Variants in DOCK7 observed in about 807,000 individuals in gnomAD.
DOCK7 encodes the protein dedicator of cytokinesis 7.
DOCK7 carries 138 observed loss-of-function variants against 271.0 expected under a neutral mutation model. That is an observed-to-expected ratio of 0.51 (90% CI 0.44 to 0.59). DOCK7 has a LOEUF of 0.59. Ranked by LOEUF, DOCK7 falls within the 20% of genes least tolerant of loss-of-function variation. The pLI, the probability that DOCK7 is intolerant of heterozygous loss-of-function variation, is 0.00. For missense variants in DOCK7, 2,066 were observed against 2,592.4 expected (o/e 0.80, Z 4.41); for synonymous variants, 823 against 876.1 (o/e 0.94, Z 1.07).
At position 62,602,474 on chromosome 1, in the gene DOCK7, C is replaced by T. The variant is rs34364551; in HGVS notation, c.1683-15850G>A. On this transcript the variant is annotated intron_variant, in intron 14 of 49. Coordinates refer to ENST00000635253, the MANE Select transcript of DOCK7 (RefSeq NM_001367561.1). ...GACCAGGTATTAGGAAAAGTAGTAA[C>T]GAACGAGAAGCAGTCTCAGCCTTCA... 771 of 1,082,760 alleles carry T rather than the reference C, an allele frequency of 7.1e-4. 10 individuals carry two copies. In the East Asian group the frequency reaches 0.013, roughly 18 times the overall value. 67.1% of individuals were successfully genotyped at this position (1,082,760 alleles called of 1,614,324 possible).
At chr1:62,519,649 G>A (rs1557659311) in intron 31 of DOCK7, among the ~76,000 whole-genome samples, 1 of 152,096 alleles carries the variant, frequency 6.6e-6, no homozygotes, top group Non-Finnish European at 1.5e-5. Flanking sequence ...GAATGTAGTA[G>A]GCAATGTGAT....
intron 14 of DOCK7, chr1:62,602,303 T>C (rs759049870): frequency 6.2e-7 from 1 of 1,610,344 alleles, no homozygotes; most frequent in South Asian, 1.1e-5. Context: ...TGGACATTAA[T>C]TCAACATCGA....
chr1:62,544,420 GA>G, intron 23 of DOCK7, among the ~76,000 whole-genome samples: 1 of 152,230 alleles, frequency 6.6e-6, no homozygotes, highest in Non-Finnish European at 1.5e-5. Context: ...AATTAAAATG[GA>G]TTTTTGCTTC....
intron 21 of DOCK7, among the ~76,000 whole-genome samples, chr1:62,553,215 A>G (rs1415599536): frequency 2.3e-4 from 34 of 145,742 alleles, no homozygotes; most frequent in African/African-American, 8.3e-4. Context: ...TTGTATTTTT[A>G]GTAGAGATGA....
intron 43 of DOCK7, chr1:62,484,214 T>C (rs527289368): frequency 6.6e-6 from 1 of 152,144 alleles, no homozygotes; most frequent in South Asian, 2.1e-4. Flanking sequence ...AGTTAAGATA[T>C]AGTCAATTTG....
chr1:62,553,344 ATATATATATATTTTTTTTTTTTTTTT>A (rs1478288571), intron 21 of DOCK7, among the ~76,000 whole-genome samples: 10,574 of 31,230 alleles, frequency 0.34, 833 homozygotes, highest in South Asian at 0.45. Flanking sequence ...ATATATATAT[ATATATATATATTTTTTTTTTTTTTTT>A]TTTTTTTTTT....
intron 18 of DOCK7, among the ~76,000 whole-genome samples, chr1:62,570,194 T>C (rs1442574179): frequency 6.6e-6 from 1 of 152,190 alleles, no homozygotes; most frequent in African/African-American, 2.4e-5. Flanking sequence ...GATAAGCAAC[T>C]TCAGCAAAGT....
intron 33 of DOCK7, among the ~76,000 whole-genome samples, chr1:62,513,183 CTTTCTAGAGAAAGT>C (rs1644539951): frequency 7.5e-6 from 1 of 133,500 alleles, no homozygotes; most frequent in Non-Finnish European, 1.5e-5. Context: ...CACATAAGGA[CTTTCTAGAGAAAGT>C]TTTCTAGAGA....
intron 14 of DOCK7, among the ~76,000 whole-genome samples, chr1:62,616,082 G>C (rs1205108002): frequency 6.6e-6 from 1 of 151,582 alleles, no homozygotes; most frequent in African/African-American, 2.4e-5. Context: ...AACTCAAAAA[G>C]CAAAACCATA....
intron 48 of DOCK7, among the ~76,000 whole-genome samples, chr1:62,469,141 G>C (rs1645759198): frequency 6.6e-6 from 1 of 152,096 alleles, no homozygotes; most frequent in Non-Finnish European, 1.5e-5. Flanking sequence ...GAACAAATCT[G>C]GAGGCATCAC....
intron 7 of DOCK7, 128 bp from the exon 8 acceptor site, chr1:62,636,731 T>A: frequency 1.5e-6 from 1 of 684,968 alleles, no homozygotes; most frequent in Non-Finnish European, 2.4e-6. Flanking sequence ...TTGCCTATAT[T>A]AAAACTTCTT....
chr1:62,522,202 C>T (rs1557662880), intron 31 of DOCK7, among the ~76,000 whole-genome samples: 1 of 152,074 alleles, frequency 6.6e-6, no homozygotes, highest in African/African-American at 2.4e-5. Flanking sequence ...AAACTCCCTA[C>T]CTCATTTTAA....
At chr1:62,584,970 G>A (rs996308579) in intron 15 of DOCK7, 10 of 568,256 alleles carry the variant, frequency 1.8e-5, no homozygotes, top group Middle Eastern at 3.8e-4. Context: ...TACATTTGTC[G>A]TATGCTCAAA....
intron 12 of DOCK7, among the ~76,000 whole-genome samples, chr1:62,622,799 A>G (rs954772599): frequency 1.3e-5 from 2 of 151,920 alleles, no homozygotes; most frequent in Non-Finnish European, 2.9e-5. Flanking sequence ...GCATGGTGGC[A>G]GGCGCCTGTA....
intron 42 of DOCK7, 156 bp from the exon 43 acceptor site, chr1:62,487,568 T>A (rs958340006): frequency 3.4e-6 from 2 of 589,960 alleles, no homozygotes; most frequent in Non-Finnish European, 5.7e-6. Context: ...CCTGCAATAA[T>A]TTCATAAATT....
intron 14 of DOCK7, chr1:62,598,103 G>C (rs778954737): frequency 6.7e-7 from 1 of 1,501,042 alleles, no homozygotes; most frequent in Non-Finnish European, 8.9e-7. Context: ...TGTTTTCAAT[G>C]TGGATCTTTT....
rs556705376 is a variant in DOCK7, at chr1:62,677,563, T to A, written c.38+10664A>T. On this transcript the variant is annotated intron_variant, in intron 1 of 49. Coordinates refer to ENST00000635253, the MANE Select transcript of DOCK7 (RefSeq NM_001367561.1). The stretch of plus-strand genomic sequence containing the variant: ...AACCCCAGCAAATAAAAAAAAAAAA[T>A]TCCCATGTAAAAAGCCACCGAAAAA... Among the ~76,000 whole-genome samples the A allele has an allele frequency of 2.0e-3, 298 of 151,298 alleles. 1 individual carries two copies. In the South Asian group the frequency reaches 0.024, roughly 12 times the overall value.
chr1:62,604,439 ATT>A, intron 14 of DOCK7: 2 of 890,620 alleles, frequency 2.2e-6, no homozygotes, highest in South Asian at 1.8e-5. Flanking sequence ...CAGATTTTCT[ATT>A]TTTTGGTAGT....
Position 62,653,751 on chromosome 1 carries a change from T to C in DOCK7, c.363A>G (p.Thr121=), listed in dbSNP as rs1657652742. The change falls in exon 4 of 50, where the codon ACA becomes ACG. Residue 121 remains threonine (T), a synonymous_variant. Coordinates refer to ENST00000635253, the MANE Select transcript of DOCK7 (RefSeq NM_001367561.1). Reference sequence around the variant, plus strand: ...TTCTGATGACAATTGCCCAGTCTTCTGTATAACTTCTTATACAGTCTCTAA... The same window carrying C: ...TTCTGATGACAATTGCCCAGTCTTCCGTATAACTTCTTATACAGTCTCTAA... The part of the protein sequence containing the change: ...PHVRDCIRSY[T]EDWAIVIRKY... The C allele has an allele frequency of 1.3e-6, 2 of 1,591,118 alleles. No homozygotes were observed. Among genetic ancestry groups the C allele is most frequent in the South Asian group, 1.1e-5 (1 of 89,892 alleles).
Sources: allele counts gnomAD v4.1 joint callset (sites outside exome capture counted in the v4.1 genomes callset), GRCh38; gene constraint gnomAD v4.1.1; transcripts MANE v1.5; gene names NCBI Gene and HGNC (gene_info 2026-07-23, HGNC 2026-07-21).